USP5: variants seen among roughly 807,000 people sequenced by gnomAD.
USP5 encodes the protein ubiquitin carboxyl-terminal hydrolase 5.
In USP5, 24 loss-of-function variants were observed where a neutral mutation model predicts 102.5. The ratio of observed to expected loss-of-function variants is 0.23; its 90% CI spans 0.17 to 0.33. The LOEUF is 0.33. USP5 is among the 10% of genes least tolerant of loss of function. The pLI is 1.00. For synonymous variants in USP5, 460 were observed against 434.8 expected (o/e 1.06, Z -0.72); for missense variants, 753 against 1,122.1 (o/e 0.67, Z 4.70).
rs377103167 is a variant in USP5 at position 6,864,014 on chromosome 12, C to T, written c.2099-36C>T. On this transcript the variant is annotated intron_variant, in intron 16 of 19. Transcript: ENST00000229268. The surrounding 1 kb of genome is among the most constrained non-coding windows in gnomAD (Gnocchi z 4.8). ...GAGCAGGGTGGGGCAGGGCCTCCAT[C>T]CTCCCCCAAACACATCAACCCCTTC... is the stretch of plus-strand genomic sequence containing the variant. 7.6e-6 allele frequency: 12 copies of T among 1,580,920 alleles called. No individual in the cohort carries two copies. The African/African-American group carries it at 1.6e-4, about 21-fold the overall frequency.
intron 19 of USP5, 79 bp from the exon 20 acceptor site, chr12:6,865,905 G>C: frequency 1.6e-6 from 2 of 1,259,058 alleles, no homozygotes; most frequent in Non-Finnish European, 1.2e-6. Context: ...CACTTCCAGG[G>C]GCCATGTCTG....
chr12:6,861,545 A>G lies in USP5; in HGVS notation c.1601A>G (p.Glu534Gly). The G allele has an allele frequency of 6.2e-7, 1 of 1,601,854 alleles. No homozygotes were observed. Residue 534 changes from glutamate (E) to glycine (G), a missense_variant, in exon 13 of 20, where the codon GAG becomes GGG. Around this residue, in one of 3 missense-constraint regions of USP5, gnomAD observed 527 missense variants for 816.5 expected, o/e 0.65. Coordinates refer to ENST00000229268, the MANE Select transcript of USP5 (RefSeq NM_001098536.2). This position sits in a 1 kb window ranked among gnomAD's most constrained non-coding sequence, Gnocchi z 4.9. ...CAGGTGCCCTTCAGCTCTTGCCTGG[A>G]GGCCTACGGGGCCCCTGAGCAGGTC... ...RAQVPFSSCLEAYGAPEQVDD... is the reference protein window; with the variant it reads ...RAQVPFSSCLGAYGAPEQVDD...
Position 6,858,582 on chromosome 12 carries a change from C to T in USP5, c.1023C>T (p.Val341=). The T allele has an allele frequency of 6.2e-7, 1 of 1,611,518 alleles. No individual in the cohort carries two copies. The highest frequency in any genetic ancestry group is 8.5e-7 in the Non-Finnish European group (1 of 1,177,754). The part of the protein sequence containing the change: ...LGNSCYLNSV[V]QVLFSIPDFQ... The stretch of plus-strand genomic sequence containing the variant: ...ACAGCTGCTACCTCAACTCTGTGGT[C>T]CAGGTGCTCTTCAGCATCCCTGACT... Residue 341 remains valine (V), a synonymous_variant, in exon 8 of 20, where the codon GTC becomes GTT. Coordinates refer to ENST00000229268, the MANE Select transcript of USP5 (RefSeq NM_001098536.2). The surrounding 1 kb of genome is among the most constrained non-coding windows in gnomAD (Gnocchi z 4.2).
chr12:6,866,361 T>C lies in USP5; in HGVS notation c.*284T>C, dbSNP rs1555130952. ...CGGAATCCACAGTGCTCTGCTTCTC[T>C]GTGTCGCCCCGCCCAGCCCCCTGGT... On this transcript the variant is annotated 3_prime_UTR_variant, in exon 20 of 20. Transcript: ENST00000229268. The surrounding 1 kb of genome is among the most constrained non-coding windows in gnomAD (Gnocchi z 4.7). 2.4e-6 allele frequency: 1 copy of C among 419,204 alleles called. No individual in the cohort carries two copies. Among genetic ancestry groups the C allele is most frequent in the Non-Finnish European group, 4.4e-6 (1 of 225,972 alleles). 26.0% of individuals were successfully genotyped at this position (419,204 alleles called of 1,614,324 possible).
intron 14 of USP5, 138 bp downstream of exon 14, chr12:6,862,696 A>T: frequency 1.4e-6 from 1 of 719,664 alleles, no homozygotes; most frequent in Non-Finnish European, 2.3e-6. Flanking sequence ...AAATTTATCT[A>T]GTTTGAAAGC....
In USP5 at chr12:6,858,276, C is replaced by A; in HGVS notation, c.865-148C>A. 1 of 767,368 alleles carries A rather than the reference C, an allele frequency of 1.3e-6. No individual in the cohort carries two copies. The highest frequency in any genetic ancestry group is 2.0e-6 in the Non-Finnish European group (1 of 495,948). The allele number at this position is 767,368 out of a possible 1,614,324, so 47.5% of individuals were successfully genotyped here. ...GTGGCCTTCCAGAACTTGAACTGGA[C>A]GATACTCAACATACCTCCCATGTTT... On this transcript the variant is annotated intron_variant, in intron 7 of 19. Coordinates refer to ENST00000229268, the MANE Select transcript of USP5 (RefSeq NM_001098536.2). The surrounding 1 kb of genome is among the most constrained non-coding windows in gnomAD (Gnocchi z 4.2).
In USP5 at chr12:6,852,179, C is replaced by A. The variant is rs781983695; in HGVS notation, c.-1C>A. The A allele has an allele frequency of 6.2e-7, 1 of 1,609,964 alleles. No individual in the cohort carries two copies. The highest frequency in any genetic ancestry group is 8.5e-7 in the Non-Finnish European group (1 of 1,178,518). ...TGTGTGGAGAAGCTGCTGCCGGTGT[C>A]ATGGCGGAGCTGAGTGAGGAGGCGC... On this transcript the variant is annotated 5_prime_UTR_variant, in exon 1 of 20. Transcript: ENST00000229268.
chr12:6,857,451 C>T (rs782546590), intron 6 of USP5, 178 bp from the exon 7 acceptor site: 9 of 545,716 alleles, frequency 1.6e-5, no homozygotes, highest in Middle Eastern at 4.8e-4. Flanking sequence ...CTTCCCTGAC[C>T]GTCAGCCCCA....
intron 18 of USP5, 44 bp from the exon 19 acceptor site, chr12:6,865,120 T>C (rs1477819159): frequency 6.5e-7 from 1 of 1,538,954 alleles, no homozygotes; most frequent in Non-Finnish European, 9.0e-7. Flanking sequence ...CACTCAAGCA[T>C]TCCTCTTCTG....
rs1944122369 is a variant in USP5 at position 6,856,642 on chromosome 12, C to T, written c.585-65C>T. ...ATTGGCGGGGGGCCTGCAGAGCCCTCTCTCTCTGCCACTCCCTCAAATCCC... is the reference window on the plus strand; with the variant it reads ...ATTGGCGGGGGGCCTGCAGAGCCCTTTCTCTCTGCCACTCCCTCAAATCCC... On this transcript the variant is annotated intron_variant, in intron 5 of 19. Coordinates refer to ENST00000229268, the MANE Select transcript of USP5 (RefSeq NM_001098536.2). This position sits in a 1 kb window ranked among gnomAD's most constrained non-coding sequence, Gnocchi z 5.6. 8 of 1,581,162 alleles carry T rather than the reference C, an allele frequency of 5.1e-6. No homozygotes were observed. The South Asian group carries it at 6.9e-5, about 14-fold the overall frequency.
intron 9 of USP5, 145 bp downstream of exon 9, chr12:6,859,686 T>C (rs781949698): frequency 8.6e-6 from 7 of 817,018 alleles, no homozygotes; most frequent in Non-Finnish European, 1.4e-5. Context: ...CGGAGTCTTG[T>C]TCTGTTGCCA....
chr12:6,857,609 C>T lies in USP5; in HGVS notation c.770-20C>T, dbSNP rs372291004. The T allele has an allele frequency of 8.4e-5, 136 of 1,609,678 alleles. No individual in the cohort carries two copies. The highest frequency in any genetic ancestry group is 1.1e-4 in the Non-Finnish European group (131 of 1,177,380). On this transcript the variant is annotated intron_variant, in intron 6 of 19. Transcript: ENST00000229268. The stretch of plus-strand genomic sequence containing the variant: ...GTCCTGAGCCACTTCCCCTGATTCT[C>T]TTCCTGCCTCCTGCTCTAGACGTGT...
Position 6,861,541 on chromosome 12 carries a change from C to G in USP5, c.1597C>G (p.Leu533Val), listed in dbSNP as rs1555129572. 6.2e-7 allele frequency: 1 copy of G among 1,602,002 alleles called. No homozygotes were observed. Among genetic ancestry groups the G allele is most frequent in the Non-Finnish European group, 8.5e-7 (1 of 1,170,342 alleles). ...GGCCCAGGTGCCCTTCAGCTCTTGCCTGGAGGCCTACGGGGCCCCTGAGCA... is the reference window on the plus strand; with the variant it reads ...GGCCCAGGTGCCCTTCAGCTCTTGCGTGGAGGCCTACGGGGCCCCTGAGCA... Reference protein sequence around the residue: ...VRAQVPFSSCLEAYGAPEQVD... With the variant: ...VRAQVPFSSCVEAYGAPEQVD... Residue 533 changes from leucine to valine, a missense_variant, in exon 13 of 20, where the codon CTG becomes GTG. Physicochemically the swap from Leu to Val is conservative, Grantham distance 32. This residue lies in a region of USP5 where 527 missense variants were observed against 816.5 expected (regional missense o/e 0.65). Transcript: ENST00000229268. This position sits in a 1 kb window ranked among gnomAD's most constrained non-coding sequence, Gnocchi z 4.9.
rs1944194219 is a variant in USP5 at position 6,858,882 on chromosome 12, T to G, written c.1058+265T>G. 6.2e-6 allele frequency: 2 copies of G among 322,508 alleles called. No individual in the cohort carries two copies. The highest frequency in any genetic ancestry group is 4.0e-5 in the Admixed American group (1 of 25,028). The allele number at this position is 322,508 out of a possible 1,614,324, so 20.0% of individuals were successfully genotyped here. A position where few individuals can be genotyped will look rare whatever the true frequency, so the allele number is the denominator to read the frequency against. On this transcript the variant is annotated intron_variant, in intron 8 of 19. Transcript: ENST00000229268. This position sits in a 1 kb window ranked among gnomAD's most constrained non-coding sequence, Gnocchi z 4.2. The stretch of plus-strand genomic sequence containing the variant: ...TAAAAAAAAAAAAGAATAATTCCTG[T>G]CACACTCTGGCTGACATGCTGTGAG...
rs782437263 is a variant in USP5 at position 6,855,833 on chromosome 12, T to C, written c.304+12T>C. On this transcript the variant is annotated intron_variant, in intron 3 of 19. Transcript: ENST00000229268. This position sits in a 1 kb window ranked among gnomAD's most constrained non-coding sequence, Gnocchi z 4.6. ...GCGGCTGGCTATTGGTGAGCACCGC[T>C]GCAGTCCTATTCTTCTCCCTGAGCT... The C allele has an allele frequency of 3.6e-5, 58 of 1,614,058 alleles. No individual in the cohort carries two copies. Among genetic ancestry groups the C allele is most frequent in the South Asian group, 9.9e-5 (9 of 91,092 alleles).
At chr12:6,852,380 C>G (rs1555127097) in intron 1 of USP5, 90 bp downstream of exon 1, 2 of 1,312,518 alleles carry the variant, frequency 1.5e-6, no homozygotes, top group East Asian at 5.0e-5. Flanking sequence ...GGGCTACCGC[C>G]TCCCTGCGAT....
chr12:6,852,501 C>T (rs1350839684), intron 1 of USP5, among the ~76,000 whole-genome samples: 2 of 152,286 alleles, frequency 1.3e-5, no homozygotes, highest in Non-Finnish European at 2.9e-5. Flanking sequence ...CTCTCCGGCT[C>T]CCCGCTTCGT....
intron 14 of USP5, 72 bp downstream of exon 14, chr12:6,862,630 T>G (rs1944312971): frequency 1.4e-6 from 2 of 1,381,818 alleles, no homozygotes; most frequent in African/African-American, 2.9e-5. Flanking sequence ...ACATATAAAC[T>G]AGTGTTTCTC....
In USP5 at chr12:6,857,661, C is replaced by T; in HGVS notation, c.802C>T (p.Leu268=). ...VYSYDEDDMV[L]DPSLAEHLSH... ...CTCATATGATGAGGATGACATGGTCCTGGACCCCAGCCTGGCTGAGCACCT... is the reference window on the plus strand; with the variant it reads ...CTCATATGATGAGGATGACATGGTCTTGGACCCCAGCCTGGCTGAGCACCT... The change falls in exon 7 of 20, where the codon CTG becomes TTG. Residue 268 remains leucine, a synonymous_variant. Transcript: ENST00000229268. 2 of 1,614,086 alleles carry T rather than the reference C, an allele frequency of 1.2e-6. No individual in the cohort carries two copies. Among genetic ancestry groups the T allele is most frequent in the African/African-American group, 1.3e-5 (1 of 75,030 alleles).
Sources: gnomAD v4.1 joint callset for allele counts (sites outside exome capture counted in the v4.1 genomes callset) on GRCh38, gnomAD v4.1.1 for gene constraint, gnomAD v4.1.1 regional missense constraint, Gnocchi (gnomAD v3.1) non-coding constraint, MANE v1.5 for transcripts, NCBI Gene and HGNC (gene_info 2026-07-23, HGNC 2026-07-21) for gene names.